RIT2: variants seen among roughly 807,000 people sequenced by gnomAD.
The protein encoded by RIT2 is GTP-binding protein Rit2.
RIT2 carries 24 observed loss-of-function variants against 23.7 expected under a neutral mutation model. The observed-to-expected ratio is 1.01, with a 90% confidence interval of 0.73 to 1.43. RIT2 has a LOEUF of 1.43. RIT2 is among the 40% of genes most tolerant of loss of function. The probability of loss-of-function intolerance (pLI) is 0.00; values close to 1 mark genes in which losing one functional copy is unlikely to be tolerated. For missense variants in RIT2, 236 were observed against 266.9 expected (o/e 0.88, Z 0.81); for synonymous variants, 107 against 91.1 (o/e 1.17, Z -0.99).
chr18:43,072,370 A>C (rs769674192), intron 1 of RIT2, among the ~76,000 whole-genome samples: 21 of 152,084 alleles, frequency 1.4e-4, no homozygotes, highest in Non-Finnish European at 2.9e-4. Context: ...TTTGCGAATC[A>C]ATTTGCTTAT....
At chr18:42,892,141 C>T (rs990892108) in intron 4 of RIT2, among the ~76,000 whole-genome samples, 1 of 152,168 alleles carries the variant, frequency 6.6e-6, no homozygotes, top group Non-Finnish European at 1.5e-5. Flanking sequence ...TGCCAAGGTT[C>T]ATGCTCGCCT....
intron 2 of RIT2, among the ~76,000 whole-genome samples, chr18:42,980,239 T>C (rs1910567141): frequency 6.6e-6 from 1 of 152,070 alleles, no homozygotes; most frequent in African/African-American, 2.4e-5. Context: ...CACAAGGACC[T>C]AAACCCTAGA....
intron 4 of RIT2, among the ~76,000 whole-genome samples, chr18:42,820,768 T>C (rs1421064792): frequency 6.6e-6 from 1 of 152,168 alleles, no homozygotes; most frequent in Non-Finnish European, 1.5e-5. Flanking sequence ...CACCTTTGTG[T>C]ATGGTCTTTT....
chr18:43,066,151 TTCTA>T (rs1912766107), intron 1 of RIT2, among the ~76,000 whole-genome samples: 1 of 152,160 alleles, frequency 6.6e-6, no homozygotes, highest in Non-Finnish European at 1.5e-5. Context: ...AAAAGTTGAG[TTCTA>T]TCTATTTAAT....
intron 4 of RIT2, among the ~76,000 whole-genome samples, chr18:42,868,159 T>C (rs1907523147): frequency 1.3e-5 from 2 of 152,220 alleles, no homozygotes; most frequent in Admixed American, 6.5e-5. Flanking sequence ...TGCATATTTT[T>C]CCACACATTC....
intron 4 of RIT2, among the ~76,000 whole-genome samples, chr18:42,818,497 G>T (rs1906058756): frequency 6.6e-6 from 1 of 152,016 alleles, no homozygotes; most frequent in African/African-American, 2.4e-5. Context: ...ATGAACTCTG[G>T]ATAATGGAAT....
chr18:42,972,234 A>G (rs1270475932), intron 3 of RIT2, among the ~76,000 whole-genome samples: 4 of 151,968 alleles, frequency 2.6e-5, no homozygotes, highest in African/African-American at 9.7e-5. Context: ...CAAATAATTG[A>G]AATAATTTTT....
At chr18:42,811,127 T>C (rs1905839435) in intron 4 of RIT2, among the ~76,000 whole-genome samples, 1 of 152,004 alleles carries the variant, frequency 6.6e-6, no homozygotes, top group African/African-American at 2.4e-5. Flanking sequence ...TATGATTGTT[T>C]CTTATTCATC....
intron 4 of RIT2, among the ~76,000 whole-genome samples, chr18:42,818,638 C>T (rs1906062730): frequency 6.6e-6 from 1 of 151,970 alleles, no homozygotes; most frequent in Non-Finnish European, 1.5e-5. Context: ...AGCACAGAAA[C>T]AGAGCAATAA....
intron 4 of RIT2, among the ~76,000 whole-genome samples, chr18:42,795,884 G>A (rs1403929104): frequency 6.6e-6 from 1 of 152,106 alleles, no homozygotes; most frequent in Non-Finnish European, 1.5e-5. Flanking sequence ...GGACCTTTGT[G>A]TGGACACTCT....
intron 1 of RIT2, among the ~76,000 whole-genome samples, chr18:43,068,283 T>TGC (rs1271145565): frequency 6.6e-6 from 1 of 152,112 alleles, no homozygotes; most frequent in East Asian, 1.9e-4. Flanking sequence ...AGAGGTAAAT[T>TGC]GCCCAAGATC....
chr18:42,822,961 T>G (rs780135827), intron 4 of RIT2, among the ~76,000 whole-genome samples: 9 of 152,056 alleles, frequency 5.9e-5, no homozygotes, highest in Non-Finnish European at 1.2e-4. Flanking sequence ...AGAAAGAAAC[T>G]AAGTGATTCC....
intron 4 of RIT2, among the ~76,000 whole-genome samples, chr18:42,833,701 G>A (rs572977820): frequency 2.0e-5 from 3 of 152,228 alleles, no homozygotes; most frequent in African/African-American, 7.2e-5. Context: ...TTCAATTAGA[G>A]AAGTGACTTG....
chr18:42,981,698 A>G (rs1024830188), intron 2 of RIT2, among the ~76,000 whole-genome samples: 4 of 152,102 alleles, frequency 2.6e-5, no homozygotes, highest in Non-Finnish European at 5.9e-5. Context: ...ATATTTATTC[A>G]TATTTTAAGG....
intron 4 of RIT2, among the ~76,000 whole-genome samples, chr18:42,808,995 C>A (rs1307917127): frequency 6.6e-6 from 1 of 152,056 alleles, no homozygotes; most frequent in African/African-American, 2.4e-5. Context: ...AGAATGTACG[C>A]ACATTGGGTG....
intron 4 of RIT2, among the ~76,000 whole-genome samples, chr18:42,776,670 G>T (rs902388145): frequency 1.3e-5 from 2 of 151,982 alleles, no homozygotes; most frequent in African/African-American, 2.4e-5. Context: ...GGACACTGAG[G>T]CTCAGAGAGA....
At chr18:42,902,780 C>T (rs897232971) in intron 4 of RIT2, among the ~76,000 whole-genome samples, 1 of 151,252 alleles carries the variant, frequency 6.6e-6, no homozygotes, top group Non-Finnish European at 1.5e-5. Context: ...GAATTGTTAA[C>T]TAATGACAGA....
intron 4 of RIT2, among the ~76,000 whole-genome samples, chr18:42,858,477 G>A (rs1051186822): frequency 1.2e-4 from 19 of 152,128 alleles, no homozygotes; most frequent in African/African-American, 4.6e-4. Flanking sequence ...ACAGTGCAGC[G>A]TTAATGCCAC....
At chr18:43,055,150 G>A (rs552120343) in intron 1 of RIT2, among the ~76,000 whole-genome samples, 1 of 152,164 alleles carries the variant, frequency 6.6e-6, no homozygotes, top group Non-Finnish European at 1.5e-5. Flanking sequence ...GGCCCTATTC[G>A]TGAGAGAAGA....
Sources: allele counts gnomAD v4.1 joint callset (sites outside exome capture counted in the v4.1 genomes callset), GRCh38; gene constraint gnomAD v4.1.1; transcripts MANE v1.5; gene names NCBI Gene and HGNC (gene_info 2026-07-23, HGNC 2026-07-21).